The following MYO16 variants were observed in gnomAD, a reference collection of about 807,000 sequenced individuals.
The protein encoded by MYO16 is myosin XVI.
Under a neutral mutation model 205.3 loss-of-function variants are expected in MYO16, and 94 were observed. The observed-to-expected ratio is 0.46, with a 90% CI of 0.39 to 0.54. MYO16 has a LOEUF of 0.54. Among genes scored for constraint, MYO16 ranks in the 20% least tolerant of loss-of-function variants. MYO16 has a pLI of 0.00. For missense variants in MYO16, 2,315 were observed against 2,387.5 expected (o/e 0.97, Z 0.63); for synonymous variants, 988 against 954.0 (o/e 1.04, Z -0.66).
At chr13:108,703,805 C>A (rs190782821) in intron 2 of MYO16, among the ~76,000 whole-genome samples, 1 of 152,248 alleles carries the variant, frequency 6.6e-6, no homozygotes, top group Non-Finnish European at 1.5e-5. Flanking sequence ...TAAATTTTGT[C>A]CTTCCCTGTC....
At chr13:109,198,764 C>T (rs560806954) in intron 34 of MYO16, among the ~76,000 whole-genome samples, 1 of 152,250 alleles carries the variant, frequency 6.6e-6, no homozygotes, top group South Asian at 2.1e-4. Flanking sequence ...GCATATGTGA[C>T]TCATATAATC....
chr13:109,181,150 G>A (rs1456499398), intron 34 of MYO16, among the ~76,000 whole-genome samples: 1 of 152,238 alleles, frequency 6.6e-6, no homozygotes, highest in African/African-American at 2.4e-5. Context: ...AAAGGTCATC[G>A]GGAATCATTT....
intron 2 of MYO16, among the ~76,000 whole-genome samples, chr13:108,679,475 A>C (rs1350872044): frequency 6.6e-6 from 1 of 152,058 alleles, no homozygotes; most frequent in Non-Finnish European, 1.5e-5. Context: ...AAAGTAGGTG[A>C]TCAATAATAT....
intron 1 of MYO16, among the ~76,000 whole-genome samples, chr13:108,654,669 T>C (rs1881160813): frequency 6.6e-6 from 1 of 152,098 alleles, no homozygotes; most frequent in South Asian, 2.1e-4. Flanking sequence ...AACAGGAAAA[T>C]GTAGGAAAGT....
At position 108,889,488 on chromosome 13, in the gene MYO16, A is replaced by G. The variant is rs151244587; in HGVS notation, c.1659+1011A>G. 2.4e-3 allele frequency among the ~76,000 whole-genome samples: 365 copies of G among 152,344 alleles called. 2 individuals are homozygous for G. The highest frequency in any genetic ancestry group is 8.4e-3 in the African/African-American group (351 of 41,574). On this transcript the variant is annotated intron_variant, in intron 14 of 34. Transcript: ENST00000457511. ...TTTTGTTAAAAGGTTTGTTCAGACCATAGCAGATCAGAAGAAGACATTGAA... is the reference window on the plus strand; with the variant it reads ...TTTTGTTAAAAGGTTTGTTCAGACCGTAGCAGATCAGAAGAAGACATTGAA...
chr13:108,547,042 G>C, the MYO16 span, among the ~76,000 whole-genome samples: 7 of 152,082 alleles, frequency 4.6e-5, no homozygotes, highest in Non-Finnish European at 8.8e-5. Context: ...GGAGGCCGAC[G>C]TGGGTGGATC....
intron 9 of MYO16, among the ~76,000 whole-genome samples, chr13:108,832,171 C>A (rs187258707): frequency 7.6e-6 from 1 of 130,812 alleles, no homozygotes; most frequent in African/African-American, 2.9e-5. Context: ...GAGACAGAGT[C>A]TCGCTCTATC....
At chr13:109,118,397 C>T (rs551684799) in intron 28 of MYO16, among the ~76,000 whole-genome samples, 1 of 152,272 alleles carries the variant, frequency 6.6e-6, no homozygotes, top group East Asian at 1.9e-4. Flanking sequence ...TCATTTTGTC[C>T]ACCTCCTCTC....
At chr13:108,962,180 A>G (rs952370470) in intron 18 of MYO16, among the ~76,000 whole-genome samples, 3 of 152,240 alleles carry the variant, frequency 2.0e-5, no homozygotes, top group African/African-American at 4.8e-5. Context: ...ACCATCTGTG[A>G]GGACAGGGAG....
Position 108,975,663 on chromosome 13 carries a change from A to G in MYO16, c.2369+10761A>G, listed in dbSNP as rs142122962. On this transcript the variant is annotated intron_variant, in intron 20 of 34. Coordinates refer to ENST00000457511, the MANE Select transcript of MYO16 (RefSeq NM_001198950.3). ...GACACGTCTCCTTTGCTTTACATGAAGGCTTGCCATTATTCTCTCTACCAG... is the reference window on the plus strand; with the variant it reads ...GACACGTCTCCTTTGCTTTACATGAGGGCTTGCCATTATTCTCTCTACCAG... Among the ~76,000 whole-genome samples the G allele has an allele frequency of 1.9e-3, 287 of 152,240 alleles. 2 individuals are homozygous for G. Among genetic ancestry groups the G allele is most frequent in the African/African-American group, 6.3e-3 (260 of 41,536 alleles).
intron 4 of MYO16, among the ~76,000 whole-genome samples, chr13:108,774,236 A>T (rs1886058392): frequency 6.6e-6 from 1 of 152,250 alleles, no homozygotes; most frequent in Admixed American, 6.5e-5. Context: ...ATTCTTGGGG[A>T]AATATACACC....
chr13:109,018,946 A>G (rs1885925600), intron 22 of MYO16, among the ~76,000 whole-genome samples: 1 of 149,328 alleles, frequency 6.7e-6, no homozygotes, highest in African/African-American at 2.5e-5. Context: ...CTATTCGGCC[A>G]TCTTGGACAT....
At chr13:108,782,367 C>T (rs1196012672) in intron 4 of MYO16, among the ~76,000 whole-genome samples, 3 of 152,080 alleles carry the variant, frequency 2.0e-5, no homozygotes, top group Non-Finnish European at 1.5e-5. Flanking sequence ...GAGATGATTT[C>T]GGGTATCTGG....
intron 1 of MYO16, among the ~76,000 whole-genome samples, chr13:108,662,686 C>T (rs550511956): frequency 2.6e-5 from 4 of 152,210 alleles, no homozygotes; most frequent in East Asian, 1.9e-4. Context: ...AAAACTTGCC[C>T]GAGGCTATCC....
At chr13:108,820,651 C>G (rs1444468162) in intron 8 of MYO16, among the ~76,000 whole-genome samples, 1 of 152,092 alleles carries the variant, frequency 6.6e-6, no homozygotes, top group East Asian at 1.9e-4. Flanking sequence ...TACTGTTGTA[C>G]TTTGTTGTAT....
chr13:108,767,172 G>T (rs1885805755), intron 4 of MYO16, among the ~76,000 whole-genome samples: 1 of 151,898 alleles, frequency 6.6e-6, no homozygotes, highest in Non-Finnish European at 1.5e-5. Flanking sequence ...GTGCGATCTC[G>T]GCTCACTGCA....
chr13:108,894,926 A>C (rs1488934937), intron 14 of MYO16, among the ~76,000 whole-genome samples: 2 of 152,244 alleles, frequency 1.3e-5, no homozygotes, highest in Non-Finnish European at 1.5e-5. Flanking sequence ...CAGAAAAGTC[A>C]TGTTTCAGGA....
intron 2 of MYO16, among the ~76,000 whole-genome samples, chr13:108,679,614 C>G (rs1205979716): frequency 6.6e-6 from 1 of 151,700 alleles, no homozygotes; most frequent in Non-Finnish European, 1.5e-5. Flanking sequence ...TTGCAACTGC[C>G]CCTAAACTGA....
chr13:108,932,465 T>C (rs1393759686), intron 16 of MYO16, among the ~76,000 whole-genome samples: 2 of 152,226 alleles, frequency 1.3e-5, no homozygotes, highest in Non-Finnish European at 2.9e-5. Flanking sequence ...GCTTTGGCAT[T>C]GGTCAAGGCC....
Sources: gnomAD v4.1 joint callset for allele counts (sites outside exome capture counted in the v4.1 genomes callset) on GRCh38, gnomAD v4.1.1 for gene constraint, MANE v1.5 for transcripts, NCBI Gene and HGNC (gene_info 2026-07-23, HGNC 2026-07-21) for gene names.